The following MAF variants were observed in gnomAD, a reference collection of about 807,000 sequenced individuals.
MAF encodes the protein MAF bZIP transcription factor, also known as transcription factor Maf.
MAF carries 10 observed loss-of-function variants against 22.0 expected under a neutral mutation model. The observed-to-expected ratio is 0.45, with a 90% CI of 0.28 to 0.77. The LOEUF (loss-of-function observed/expected upper bound fraction) is 0.77. Ranked by LOEUF, MAF falls within the 30% of genes least tolerant of loss-of-function variation. The pLI is 0.12. For missense variants in MAF, 544 were observed against 548.4 expected, an observed-to-expected ratio of 0.99 and a Z score of 0.08; for synonymous variants, 337 against 255.8, an observed-to-expected ratio of 1.32 and a Z score of -3.03.
the MAF span, among the ~76,000 whole-genome samples, chr16:79,244,594 C>G: frequency 6.6e-6 from 1 of 152,090 alleles, no homozygotes; most frequent in Non-Finnish European, 1.5e-5. Context: ...AAAAATATTC[C>G]AGGCTCATGA....
downstream of MAF, chr16:79,585,714 C>T: frequency 1.8e-6 from 1 of 552,716 alleles, no homozygotes; most frequent in Non-Finnish European, 3.2e-6. Context: ...ATTTACATGA[C>T]ACGTGAAACC....
chr16:79,380,800 C>T, the MAF span, among the ~76,000 whole-genome samples: 8 of 152,196 alleles, frequency 5.3e-5, no homozygotes, highest in South Asian at 6.2e-4. Flanking sequence ...ACACACCCAC[C>T]GGCCATTGAC....
At chr16:79,237,462 C>T in the MAF span, among the ~76,000 whole-genome samples, 2 of 152,002 alleles carry the variant, frequency 1.3e-5, no homozygotes, top group Admixed American at 6.6e-5. Flanking sequence ...TGCAAATAAC[C>T]ACTGGAAATG....
At chr16:79,370,872 T>C in the MAF span, among the ~76,000 whole-genome samples, 9 of 152,000 alleles carry the variant, frequency 5.9e-5, no homozygotes, top group South Asian at 1.9e-3. Context: ...TTCTCCAGCA[T>C]ATTCACCGAA....
At chr16:79,289,639 T>A in the MAF span, among the ~76,000 whole-genome samples, 1 of 152,126 alleles carries the variant, frequency 6.6e-6, no homozygotes, top group African/African-American at 2.4e-5. Context: ...ATGGTTATCA[T>A]GACAGCTTTG....
At chr16:79,367,520 T>C in the MAF span, among the ~76,000 whole-genome samples, 2,228 of 152,232 alleles carry the variant, frequency 0.015, 42 homozygotes, top group African/African-American at 0.05. Context: ...GCTTGTCAAG[T>C]GGTGGTTCTT....
At chr16:79,576,672 T>C in the MAF span, among the ~76,000 whole-genome samples, 2 of 152,172 alleles carry the variant, frequency 1.3e-5, no homozygotes, top group Non-Finnish European at 2.9e-5. Context: ...AAAGTGATTC[T>C]AAAACAAACC....
At chr16:79,218,233 T>C in the MAF span, among the ~76,000 whole-genome samples, 2 of 140,972 alleles carry the variant, frequency 1.4e-5, no homozygotes, top group Admixed American at 7.1e-5. Flanking sequence ...CCCCTTTTTT[T>C]CCCTTCCCCC....
At chr16:79,464,497 T>C in the MAF span, among the ~76,000 whole-genome samples, 2 of 152,238 alleles carry the variant, frequency 1.3e-5, no homozygotes, top group African/African-American at 2.4e-5. Context: ...GATTTCATGC[T>C]TGCCCTGCCC....
At chr16:79,453,151 C>T in the MAF span, among the ~76,000 whole-genome samples, 1 of 152,156 alleles carries the variant, frequency 6.6e-6, no homozygotes, top group African/African-American at 2.4e-5. Context: ...CTAACTGGTA[C>T]TCAATCATAG....
At chr16:79,203,588 C>G in the MAF span, 1 of 147,406 alleles carries the variant, frequency 6.8e-6, no homozygotes, top group Non-Finnish European at 1.5e-5. Flanking sequence ...ACCTTAAAAT[C>G]TAAACAAACA....
chr16:79,241,357 T>C, the MAF span, among the ~76,000 whole-genome samples: 2 of 152,036 alleles, frequency 1.3e-5, no homozygotes, highest in Non-Finnish European at 2.9e-5. Context: ...AATGACATGA[T>C]TGAGCTGAAA....
chr16:79,450,138 T>C, the MAF span, among the ~76,000 whole-genome samples: 1 of 152,210 alleles, frequency 6.6e-6, no homozygotes, highest in Non-Finnish European at 1.5e-5. Context: ...CCTAAAATCA[T>C]CGTGTCATCT....
the MAF span, among the ~76,000 whole-genome samples, chr16:79,228,452 G>C: frequency 2.0e-5 from 3 of 152,024 alleles, no homozygotes; most frequent in East Asian, 3.9e-4. Context: ...TTAATCCCAG[G>C]ACAGGAAATG....
the MAF span, among the ~76,000 whole-genome samples, chr16:79,573,534 A>G: frequency 6.6e-6 from 1 of 152,320 alleles, no homozygotes; most frequent in African/African-American, 2.4e-5. Flanking sequence ...TATGTTTTTA[A>G]CTGTCTTAAT....
At chr16:79,311,509 A>C in the MAF span, among the ~76,000 whole-genome samples, 23 of 151,954 alleles carry the variant, frequency 1.5e-4, no homozygotes, top group Middle Eastern at 3.4e-3. Context: ...AAAAAAAAAA[A>C]AAAAAACATT....
the MAF span, chr16:79,212,290 C>G: frequency 1.8e-4 from 192 of 1,063,978 alleles, no homozygotes; most frequent in Non-Finnish European, 3.8e-5. Flanking sequence ...ACTGAGCCAG[C>G]TTAGCAACTG....
chr16:79,327,793 G>A, the MAF span, among the ~76,000 whole-genome samples: 1 of 152,308 alleles, frequency 6.6e-6, no homozygotes, highest in East Asian at 1.9e-4. Flanking sequence ...CTTAGAAGCT[G>A]ATCTTATAAA....
chr16:79,327,515 G>A, the MAF span, among the ~76,000 whole-genome samples: 269 of 152,312 alleles, frequency 1.8e-3, no homozygotes, highest in African/African-American at 6.3e-3. Flanking sequence ...AAGCTGCAAG[G>A]TATTGATTTG....
Sources: allele counts gnomAD v4.1 joint callset (sites outside exome capture counted in the v4.1 genomes callset), GRCh38; gene constraint gnomAD v4.1.1; transcripts MANE v1.5; gene names NCBI Gene and HGNC (gene_info 2026-07-23, HGNC 2026-07-21).